The following DAP3 variants were observed in gnomAD, a reference collection of about 807,000 sequenced individuals.
The protein encoded by DAP3 is death associated protein 3.
In DAP3, 28 loss-of-function variants were observed where a neutral mutation model predicts 51.9. The ratio of observed to expected loss-of-function variants is 0.54; its 90% CI spans 0.40 to 0.74. The LOEUF (loss-of-function observed/expected upper bound fraction) is 0.74, where lower values mean the gene tolerates loss of function less well. Ranked by LOEUF, DAP3 falls within the 30% of genes least tolerant of loss-of-function variation. DAP3 has a pLI of 0.00. For missense variants in DAP3, 458 were observed against 483.5 expected, an observed-to-expected ratio of 0.95 and a Z score of 0.49; for synonymous variants, 170 against 170.3, an observed-to-expected ratio of 1.00 and a Z score of 0.01.
At chr1:155,730,246 TACG>T (rs1659096847) in intron 9 of DAP3, among the ~76,000 whole-genome samples, 1 of 149,978 alleles carries the variant, frequency 6.7e-6, no homozygotes, top group African/African-American at 2.4e-5. Context: ...TATGTATATA[TACG>T]TATATATGCA....
intron 6 of DAP3, 91 bp downstream of exon 6, chr1:155,726,110 T>C: frequency 8.8e-7 from 1 of 1,133,534 alleles, no homozygotes; most frequent in East Asian, 2.7e-5. Flanking sequence ...TTTCTTTTCT[T>C]TTCTTTTTTT....
At chr1:155,695,013 C>T (rs756179235) in intron 1 of DAP3, among the ~76,000 whole-genome samples, 9 of 152,184 alleles carry the variant, frequency 5.9e-5, no homozygotes, top group East Asian at 1.9e-4. Flanking sequence ...TCAGTTGGCT[C>T]GCTCAACAAT....
At chr1:155,688,980 AC>A, upstream of DAP3, 1 of 1,606,998 alleles carries the variant, frequency 6.2e-7, no homozygotes, top group South Asian at 1.1e-5. Flanking sequence ...CCTCCATGGG[AC>A]CGCGGCGAGG....
chr1:155,718,802 CAAAAT>C (rs1657653607), intron 3 of DAP3, among the ~76,000 whole-genome samples: 2 of 151,640 alleles, frequency 1.3e-5, no homozygotes, highest in Non-Finnish European at 2.9e-5. Context: ...TTCACAAACA[CAAAAT>C]GAAGTAGAAT....
chr1:155,729,005 C>CT (rs768025714), intron 7 of DAP3, 37 bp from the exon 8 acceptor site: 129 of 1,602,498 alleles, frequency 8.0e-5, no homozygotes, highest in Non-Finnish European at 9.0e-5. Flanking sequence ...GCCAAGTAGC[C>CT]TTTTTTTTGG....
intron 1 of DAP3, among the ~76,000 whole-genome samples, chr1:155,708,189 C>T (rs1016375486): frequency 2.6e-5 from 4 of 151,668 alleles, no homozygotes; most frequent in African/African-American, 7.3e-5. Context: ...CTGGGATTAC[C>T]GGTGTGTACC....
chr1:155,698,605 A>G (rs915644204), intron 1 of DAP3, among the ~76,000 whole-genome samples: 2 of 152,202 alleles, frequency 1.3e-5, no homozygotes, highest in Non-Finnish European at 2.9e-5. Flanking sequence ...CAAACAGGCA[A>G]AGGAATTTCC....
intron 2 of DAP3, among the ~76,000 whole-genome samples, 156 bp from the exon 3 acceptor site, chr1:155,716,850 G>A (rs1052571858): frequency 6.6e-5 from 10 of 151,874 alleles, no homozygotes; most frequent in African/African-American, 2.2e-4. Context: ...AGGAAGCTGA[G>A]GCAGGAGAAT....
At chr1:155,688,661 T>C, upstream of DAP3, 12 of 1,533,116 alleles carry the variant, frequency 7.8e-6, no homozygotes, top group African/African-American at 1.4e-5. Context: ...ACGCGTACCT[T>C]CAGCGGCGCG....
chr1:155,734,997 G>A (rs1659607577), intron 11 of DAP3, among the ~76,000 whole-genome samples: 2 of 151,966 alleles, frequency 1.3e-5, no homozygotes, highest in Non-Finnish European at 2.9e-5. Flanking sequence ...GGGCGTGGTG[G>A]CTCATGCCTA....
chr1:155,698,795 A>G (rs1329976559), intron 1 of DAP3, among the ~76,000 whole-genome samples: 2 of 152,240 alleles, frequency 1.3e-5, no homozygotes, highest in African/African-American at 4.8e-5. Context: ...GCAAGCTCAA[A>G]TACATGGCGT....
At chr1:155,737,086 A>G (rs894439765) in intron 12 of DAP3, 23 bp downstream of exon 12, 1 of 1,547,282 alleles carries the variant, frequency 6.5e-7, no homozygotes, top group Non-Finnish European at 8.9e-7. Flanking sequence ...GTTTTTTCCT[A>G]TCAGGGCTTT....
Position 155,738,343 on chromosome 1 carries a change from C to T in DAP3, c.*101C>T. On this transcript the variant is annotated 3_prime_UTR_variant, in exon 13 of 13. Transcript: ENST00000368336. ...AGTACACAGGAAGAGGAGCCAGGCCCTTGTACCTATGGGATTGGACAGGAC... is the reference window on the plus strand; with the variant it reads ...AGTACACAGGAAGAGGAGCCAGGCCTTTGTACCTATGGGATTGGACAGGAC... 7.6e-7 allele frequency: 1 copy of T among 1,312,974 alleles called. No individual in the cohort carries two copies. Among genetic ancestry groups the T allele is most frequent in the Non-Finnish European group, 1.1e-6 (1 of 938,592 alleles). 81.3% of individuals were successfully genotyped at this position (1,312,974 alleles called of 1,614,324 possible).
Position 155,716,987 on chromosome 1 carries a change from GA to G in DAP3, c.46-16del. Reference sequence around the variant, plus strand: ...AAAAGTTTGATAACCCCGTAACACTGAAATGGTTTCTCTTATAGTTGGACCC... The same window carrying G: ...AAAAGTTTGATAACCCCGTAACACTGAATGGTTTCTCTTATAGTTGGACCC... On this transcript the variant is annotated intron_variant, in intron 2 of 12. Transcript: ENST00000368336. 4 of 1,602,792 alleles carry G rather than the reference GA, an allele frequency of 2.5e-6. No individual in the cohort carries two copies. Among genetic ancestry groups the G allele is most frequent in the Non-Finnish European group, 3.4e-6 (4 of 1,176,586 alleles).
intron 3 of DAP3, among the ~76,000 whole-genome samples, chr1:155,720,834 C>G (rs1189483290): frequency 4.6e-5 from 7 of 151,804 alleles, no homozygotes; most frequent in Admixed American, 3.9e-4. Context: ...GTCAAGAGAT[C>G]AAGACCATCC....
chr1:155,736,298 A>G (rs987488025), intron 11 of DAP3, among the ~76,000 whole-genome samples: 1 of 152,206 alleles, frequency 6.6e-6, no homozygotes, highest in African/African-American at 2.4e-5. Context: ...CTTTGAAAAT[A>G]TGAAACATTA....
intron 1 of DAP3, among the ~76,000 whole-genome samples, chr1:155,694,593 G>T (rs1297222909): frequency 8.0e-6 from 1 of 124,352 alleles, no homozygotes; most frequent in East Asian, 1.9e-4. Context: ...GTCTTCATCT[G>T]GTTGGCTGAA....
chr1:155,726,649 C>T (rs1037022691), intron 6 of DAP3, among the ~76,000 whole-genome samples: 2 of 151,974 alleles, frequency 1.3e-5, no homozygotes, highest in East Asian at 1.9e-4. Context: ...TTGCCAGTCA[C>T]GATGGCTCAA....
At chr1:155,709,178 A>G in intron 1 of DAP3, 1 of 148,212 alleles carries the variant, frequency 6.7e-6, no homozygotes, top group Non-Finnish European at 1.5e-5. Flanking sequence ...AGGTGGTCTC[A>G]CTCTGTCATC....
Sources: allele counts gnomAD v4.1 joint callset (sites outside exome capture counted in the v4.1 genomes callset), GRCh38; gene constraint gnomAD v4.1.1; transcripts MANE v1.5; gene names NCBI Gene and HGNC (gene_info 2026-07-23, HGNC 2026-07-21).